ANO10: variants seen among roughly 807,000 people sequenced by gnomAD.
ANO10 encodes anoctamin 10, also known as anoctamin-10.
Under a neutral mutation model 74.7 loss-of-function variants are expected in ANO10, and 77 were observed. The observed-to-expected ratio is 1.03, with a 90% CI of 0.86 to 1.25. ANO10 has a LOEUF of 1.25. Among genes scored for constraint, ANO10 ranks in the 50% most tolerant of loss-of-function variants. The pLI, the probability that ANO10 is intolerant of heterozygous loss-of-function variation, is 0.00. For missense variants in ANO10, 721 were observed against 778.1 expected, an observed-to-expected ratio of 0.93 and a Z score of 0.87; for synonymous variants, 279 against 284.9, an observed-to-expected ratio of 0.98 and a Z score of 0.21.
In ANO10 at chr3:43,366,437, G is replaced by C; in HGVS notation, c.*469C>G. The C allele has an allele frequency of 4.0e-6, 1 of 252,192 alleles. No individual in the cohort carries two copies. The highest frequency in any genetic ancestry group is 7.9e-6 in the Non-Finnish European group (1 of 127,302). 15.6% of individuals were successfully genotyped at this position (252,192 alleles called of 1,614,324 possible). A position where few individuals can be genotyped will look rare whatever the true frequency, so the allele number is the denominator to read the frequency against. On this transcript the variant is annotated 3_prime_UTR_variant, in exon 13 of 13. Coordinates refer to ENST00000292246, the MANE Select transcript of ANO10 (RefSeq NM_018075.5). ...GAGAACCAGGAAAGAGGTCCAGTGT[G>C]GGAAGCACTGCCTTACTGTACCCCG...
chr3:43,639,292 C>A (rs967591875), intron 1 of ANO10, among the ~76,000 whole-genome samples: 1 of 152,186 alleles, frequency 6.6e-6, no homozygotes, highest in Non-Finnish European at 1.5e-5. Context: ...TTTAAGTCAT[C>A]GCAGTGCAGC....
chr3:43,412,634 T>A lies in ANO10; in HGVS notation c.1914+19977A>T, dbSNP rs113359840. Among the ~76,000 whole-genome samples, 104 of 152,330 alleles carry A rather than the reference T, an allele frequency of 6.8e-4. 2 individuals are homozygous for A. Among genetic ancestry groups the A allele is most frequent in the African/African-American group, 2.1e-3 (86 of 41,572 alleles). ...GTTCACAGTCATTCTTTTTTGATCA[T>A]ATGAAAGAAACAAACTCTGTATTCC... On this transcript the variant is annotated intron_variant, in intron 12 of 12. Transcript: ENST00000292246.
intron 7 of ANO10, among the ~76,000 whole-genome samples, chr3:43,567,270 T>C (rs1171250028): frequency 1.3e-5 from 2 of 151,830 alleles, no homozygotes; most frequent in African/African-American, 2.4e-5. Flanking sequence ...CAGGATATTA[T>C]CCAGGAGAAC....
intron 9 of ANO10, among the ~76,000 whole-genome samples, chr3:43,556,235 C>T (rs540452200): frequency 2.6e-5 from 4 of 152,310 alleles, no homozygotes; most frequent in Middle Eastern, 3.4e-3. Flanking sequence ...ATTTTTACCA[C>T]ATTCAGTCTT....
intron 12 of ANO10, among the ~76,000 whole-genome samples, chr3:43,385,999 C>T (rs969839960): frequency 6.6e-6 from 1 of 152,164 alleles, no homozygotes; most frequent in African/African-American, 2.4e-5. Flanking sequence ...ATTCATCCCC[C>T]AAGGAGCTTC....
intron 9 of ANO10, among the ~76,000 whole-genome samples, chr3:43,559,243 T>C (rs1275732723): frequency 6.6e-6 from 1 of 152,216 alleles, no homozygotes; most frequent in Non-Finnish European, 1.5e-5. Flanking sequence ...AGTTCTTAGA[T>C]AAATTAGAAT....
chr3:43,631,806 G>A (rs2083550865), intron 1 of ANO10, among the ~76,000 whole-genome samples: 1 of 151,880 alleles, frequency 6.6e-6, no homozygotes, highest in Non-Finnish European at 1.5e-5. Flanking sequence ...TTACAGGCTG[G>A]GTACAGTGGC....
chr3:43,456,479 C>T (rs1384760703), intron 11 of ANO10, among the ~76,000 whole-genome samples: 3 of 152,098 alleles, frequency 2.0e-5, no homozygotes, highest in Non-Finnish European at 2.9e-5. Context: ...AGTTGTCCAT[C>T]GGTAGGAAAA....
chr3:43,657,380 T>C (rs76791846), intron 1 of ANO10, among the ~76,000 whole-genome samples: 4,116 of 152,320 alleles, frequency 0.027, 149 homozygotes, highest in Admixed American at 0.097. Flanking sequence ...GGAGGTCATG[T>C]TGTAGGAGTA....
At chr3:43,576,196 G>A (rs2080985713) in intron 6 of ANO10, among the ~76,000 whole-genome samples, 1 of 152,092 alleles carries the variant, frequency 6.6e-6, no homozygotes, top group African/African-American at 2.4e-5. Flanking sequence ...TGATTCAGCT[G>A]AGTATCATGA....
intron 1 of ANO10, among the ~76,000 whole-genome samples, chr3:43,668,509 G>C (rs1002037095): frequency 3.3e-5 from 5 of 152,034 alleles, no homozygotes; most frequent in Admixed American, 3.3e-4. Flanking sequence ...CTAAGCCAGT[G>C]TCTAGAAGAG....
intron 1 of ANO10, chr3:43,690,764 G>A (rs761868039): frequency 2.9e-4 from 127 of 433,316 alleles, no homozygotes; most frequent in Non-Finnish European, 2.3e-4. Flanking sequence ...CTTACACCCG[G>A]GAGCGTCGGG....
chr3:43,656,786 C>T (rs552994605), intron 1 of ANO10, among the ~76,000 whole-genome samples: 8 of 152,356 alleles, frequency 5.3e-5, no homozygotes, highest in Non-Finnish European at 7.3e-5. Flanking sequence ...GCACACAGCC[C>T]GGGTTCCTGC....
At chr3:43,489,924 A>G (rs146137479) in intron 11 of ANO10, among the ~76,000 whole-genome samples, 4 of 152,336 alleles carry the variant, frequency 2.6e-5, no homozygotes, top group African/African-American at 9.6e-5. Flanking sequence ...TACAAATAAA[A>G]ATCTCCTTTC....
intron 11 of ANO10, among the ~76,000 whole-genome samples, chr3:43,547,191 A>T (rs2079233673): frequency 6.6e-6 from 1 of 152,242 alleles, no homozygotes; most frequent in Non-Finnish European, 1.5e-5. Flanking sequence ...TTCTATGTCC[A>T]GCAAAACTAT....
chr3:43,668,879 CTTT>C (rs563201225), intron 1 of ANO10, among the ~76,000 whole-genome samples: 21 of 152,068 alleles, frequency 1.4e-4, no homozygotes, highest in African/African-American at 2.2e-4. Context: ...ATATTCCATA[CTTT>C]TTTTCGCTAT....
intron 4 of ANO10, among the ~76,000 whole-genome samples, chr3:43,588,148 C>A (rs1262785994): frequency 6.6e-6 from 1 of 152,098 alleles, no homozygotes. Flanking sequence ...AACAGAAAAT[C>A]TTAAACTTCA....
intron 1 of ANO10, among the ~76,000 whole-genome samples, chr3:43,642,291 T>C (rs1474443151): frequency 6.6e-6 from 1 of 152,228 alleles, no homozygotes; most frequent in Non-Finnish European, 1.5e-5. Flanking sequence ...TGGTTTGTAA[T>C]AATATAGTGT....
intron 1 of ANO10, among the ~76,000 whole-genome samples, chr3:43,628,994 T>C (rs1005460653): frequency 2.6e-5 from 4 of 152,236 alleles, no homozygotes; most frequent in African/African-American, 9.6e-5. Context: ...GTGAAGTACG[T>C]GATCTCTGTG....
Sources: gnomAD v4.1 joint callset for allele counts (sites outside exome capture counted in the v4.1 genomes callset) on GRCh38, gnomAD v4.1.1 for gene constraint, MANE v1.5 for transcripts, NCBI Gene and HGNC (gene_info 2026-07-23, HGNC 2026-07-21) for gene names.